The following PPFIA2 variants were observed in gnomAD, a reference collection of about 807,000 sequenced individuals.
The protein encoded by PPFIA2 is PPFI scaffold protein A2.
A neutral mutation model predicts 175.5 loss-of-function variants in PPFIA2; 46 were observed. The observed-to-expected ratio is 0.26, with a 90% CI of 0.21 to 0.34. The LOEUF is 0.34. PPFIA2 is among the 10% of genes least tolerant of loss of function. The pLI, the probability that PPFIA2 is intolerant of heterozygous loss-of-function variation, is 1.00. For missense variants in PPFIA2, 1,179 were observed against 1,506.1 expected (o/e 0.78, Z 3.60); for synonymous variants, 568 against 511.4 (o/e 1.11, Z -1.49).
chr12:81,342,774 C>T (rs1238445636), intron 19 of PPFIA2, among the ~76,000 whole-genome samples: 1 of 151,932 alleles, frequency 6.6e-6, no homozygotes, highest in Non-Finnish European at 1.5e-5. Flanking sequence ...CTAAGCATGG[C>T]CATTTTTGCT....
At chr12:81,299,473 T>C in intron 22 of PPFIA2, 91 bp from the exon 23 acceptor site, 1 of 1,455,412 alleles carries the variant, frequency 6.9e-7, no homozygotes, top group Non-Finnish European at 9.2e-7. Flanking sequence ...TAACCAATCA[T>C]CCTTTACAAG....
At chr12:81,450,121 G>A (rs528398150) in intron 5 of PPFIA2, among the ~76,000 whole-genome samples, 2 of 152,212 alleles carry the variant, frequency 1.3e-5, no homozygotes, top group East Asian at 3.9e-4. Context: ...TGTCTTTATA[G>A]CATCATGATT....
At chr12:81,401,258 A>ATTATT (rs957060636) in intron 8 of PPFIA2, among the ~76,000 whole-genome samples, 1 of 152,160 alleles carries the variant, frequency 6.6e-6, no homozygotes, top group African/African-American at 2.4e-5. Flanking sequence ...AAAACACAGG[A>ATTATT]TTAATAAATA....
At chr12:81,586,122 A>G (rs1211529954) in intron 4 of PPFIA2, among the ~76,000 whole-genome samples, 1 of 152,028 alleles carries the variant, frequency 6.6e-6, no homozygotes, top group East Asian at 1.9e-4. Context: ...ACTGTAGTTC[A>G]GAACTGTTGC....
chr12:81,409,722 C>G (rs2043574129), intron 7 of PPFIA2, among the ~76,000 whole-genome samples: 1 of 152,116 alleles, frequency 6.6e-6, no homozygotes, highest in Non-Finnish European at 1.5e-5. Flanking sequence ...AATATGATTA[C>G]ATGTTGAGTA....
At chr12:81,718,068 C>T (rs1485500593) in intron 3 of PPFIA2, among the ~76,000 whole-genome samples, 1 of 151,544 alleles carries the variant, frequency 6.6e-6, no homozygotes, top group Non-Finnish European at 1.5e-5. Context: ...CAGGAACATT[C>T]CTGAGTGGTC....
At chr12:81,583,755 T>A (rs948773721) in intron 4 of PPFIA2, among the ~76,000 whole-genome samples, 2 of 151,840 alleles carry the variant, frequency 1.3e-5, no homozygotes, top group Non-Finnish European at 2.9e-5. Context: ...TCTGGAGGCC[T>A]AGGGTCCACA....
chr12:81,284,369 G>A, intron 24 of PPFIA2, 66 bp from the exon 25 acceptor site: 1 of 1,191,280 alleles, frequency 8.4e-7, no homozygotes, highest in Non-Finnish European at 1.2e-6. Context: ...AAGAAGAAAG[G>A]CAGCACCTCT....
chr12:81,522,641 A>C (rs2063290987), intron 4 of PPFIA2, among the ~76,000 whole-genome samples: 1 of 152,162 alleles, frequency 6.6e-6, no homozygotes, highest in East Asian at 1.9e-4. Flanking sequence ...ACTACTACTA[A>C]TATTTTGTGC....
chr12:81,552,601 A>C (rs1377479246), intron 4 of PPFIA2, among the ~76,000 whole-genome samples: 9 of 152,036 alleles, frequency 5.9e-5, no homozygotes, highest in Non-Finnish European at 8.8e-5. Context: ...CAATATAATG[A>C]AAAATATGAA....
intron 3 of PPFIA2, among the ~76,000 whole-genome samples, chr12:81,678,190 C>A (rs566948901): frequency 1.5e-4 from 22 of 151,698 alleles, no homozygotes; most frequent in Admixed American, 1.4e-3. Flanking sequence ...AATATAGTTG[C>A]ATTAAGAAAG....
At chr12:81,602,015 A>G (rs1207869564) in intron 4 of PPFIA2, among the ~76,000 whole-genome samples, 3 of 151,740 alleles carry the variant, frequency 2.0e-5, no homozygotes, top group African/African-American at 7.3e-5. Flanking sequence ...TTATTTTACT[A>G]TATTGTACTA....
chr12:81,722,620 A>C (rs2079507091), intron 3 of PPFIA2, among the ~76,000 whole-genome samples: 2 of 151,008 alleles, frequency 1.3e-5, no homozygotes, highest in African/African-American at 4.8e-5. Flanking sequence ...TCAATTTCCC[A>C]CAGCAAAATC....
At chr12:81,600,077 A>G (rs185086879) in intron 4 of PPFIA2, among the ~76,000 whole-genome samples, 13 of 151,936 alleles carry the variant, frequency 8.6e-5, no homozygotes, top group Admixed American at 2.0e-4. Flanking sequence ...CCCATACTCT[A>G]TTATTTGGAA....
At chr12:81,392,661 T>C (rs1566623742) in intron 8 of PPFIA2, among the ~76,000 whole-genome samples, 1 of 151,996 alleles carries the variant, frequency 6.6e-6, no homozygotes, top group Admixed American at 6.6e-5. Context: ...CTATTAAAAG[T>C]TTAAATCTTA....
chr12:81,511,783 C>A (rs560650573), intron 4 of PPFIA2, among the ~76,000 whole-genome samples: 1 of 151,862 alleles, frequency 6.6e-6, no homozygotes, highest in Non-Finnish European at 1.5e-5. Flanking sequence ...CCTTTAAGAA[C>A]CCAACATTTC....
chr12:81,415,177 TAAAAAAAAAAAAAAAAAAAAAAA>T (rs1165680008), intron 7 of PPFIA2, among the ~76,000 whole-genome samples: 2 of 15,338 alleles, frequency 1.3e-4, no homozygotes, highest in African/African-American at 4.9e-4. Context: ...TTGGTTCAGG[TAAAAAAAAAAAAAAAAAAAAAAA>T]AAAAAAAAAA....
intron 4 of PPFIA2, chr12:81,546,025 G>C (rs922129919): frequency 6.6e-6 from 1 of 151,038 alleles, no homozygotes; most frequent in African/African-American, 2.4e-5. Context: ...TCGGGAGGTC[G>C]AGGCAGGAGA....
chr12:81,425,672 C>A (rs1326129916), intron 7 of PPFIA2, among the ~76,000 whole-genome samples: 1 of 152,108 alleles, frequency 6.6e-6, no homozygotes, highest in African/African-American at 2.4e-5. Flanking sequence ...CTGCACCCAG[C>A]CCCTACAGTA....
Sources: gnomAD v4.1 joint callset for allele counts (sites outside exome capture counted in the v4.1 genomes callset) on GRCh38, gnomAD v4.1.1 for gene constraint, MANE v1.5 for transcripts, NCBI Gene and HGNC (gene_info 2026-07-23, HGNC 2026-07-21) for gene names.